The following B3GALT1 variants were observed in gnomAD, a reference collection of about 807,000 sequenced individuals.
The protein encoded by B3GALT1 is UDP-Gal:betaGlcNAc beta 1,3-galactosyltransferase, polypeptide 1.
A neutral mutation model predicts 23.2 loss-of-function variants in B3GALT1; 10 were observed. The ratio of observed to expected loss-of-function variants is 0.43; its 90% CI spans 0.27 to 0.73. The LOEUF is 0.73. Among genes scored for constraint, B3GALT1 ranks in the 30% least tolerant of loss-of-function variants. The pLI, the probability that B3GALT1 is intolerant of heterozygous loss-of-function variation, is 0.21. For synonymous variants in B3GALT1, 156 were observed against 141.5 expected (o/e 1.10, Z -0.73); for missense variants, 299 against 405.4 (o/e 0.74, Z 2.25).
intron 4 of B3GALT1, among the ~76,000 whole-genome samples, chr2:167,838,961 T>C (rs1689560982): frequency 1.3e-5 from 2 of 152,224 alleles, no homozygotes; most frequent in African/African-American, 4.8e-5. Context: ...GAAAATGCCT[T>C]TGACAAAATT....
At chr2:167,714,131 G>T in intron 3 of B3GALT1, 2 of 1,526,526 alleles carry the variant, frequency 1.3e-6, no homozygotes, top group South Asian at 2.2e-5. Context: ...ATCCAAACAA[G>T]GCATATTAAA....
intron 3 of B3GALT1, among the ~76,000 whole-genome samples, chr2:167,807,219 G>T (rs1360448419): frequency 6.6e-6 from 1 of 151,932 alleles, no homozygotes; most frequent in Non-Finnish European, 1.5e-5. Flanking sequence ...TTCTTAATTA[G>T]TCTTGCTAAC....
At chr2:167,755,262 T>C (rs1687797898) in intron 3 of B3GALT1, among the ~76,000 whole-genome samples, 2 of 152,040 alleles carry the variant, frequency 1.3e-5, no homozygotes, top group Admixed American at 6.6e-5. Flanking sequence ...AGAAGTACGA[T>C]GCCCTGATGA....
chr2:167,647,073 T>C (rs995441092), intron 3 of B3GALT1, among the ~76,000 whole-genome samples, 107 bp downstream of exon 3: 3 of 152,132 alleles, frequency 2.0e-5, no homozygotes, highest in Non-Finnish European at 4.4e-5. Flanking sequence ...TTTATTAGAA[T>C]AGAGAAATCA....
chr2:167,648,738 A>C (rs577532462), intron 3 of B3GALT1, among the ~76,000 whole-genome samples: 17 of 151,998 alleles, frequency 1.1e-4, no homozygotes, highest in Non-Finnish European at 2.2e-4. Context: ...CCACCAACTC[A>C]TCCTCTTTTA....
chr2:167,840,594 C>T (rs1367766546), intron 4 of B3GALT1, among the ~76,000 whole-genome samples: 26 of 148,500 alleles, frequency 1.8e-4, no homozygotes, highest in Admixed American at 5.4e-4. Flanking sequence ...TAAACTAGTT[C>T]AACCATTGTG....
rs1698788124 is a variant in B3GALT1, at chr2:167,436,424, T to G, written c.-510-53753T>G. Among the ~76,000 whole-genome samples the G allele has an allele frequency of 2.0e-5, 3 of 152,284 alleles. No individual in the cohort carries two copies. In the South Asian group the frequency reaches 6.2e-4, roughly 32 times the overall value. On this transcript the variant is annotated intron_variant, in intron 1 of 4. Transcript: ENST00000392690. ...TTCAGGTTTCTACGAATACTTGTCC[T>G]TATTAAGGGGTCCTTCCTTAGACAA...
chr2:167,865,437 C>T (rs1356336184), intron 4 of B3GALT1, among the ~76,000 whole-genome samples: 1 of 151,966 alleles, frequency 6.6e-6, no homozygotes, highest in Non-Finnish European at 1.5e-5. Flanking sequence ...AATTCTCACT[C>T]TTCTAAGAAA....
chr2:167,662,099 T>C (rs1459236735), intron 3 of B3GALT1, among the ~76,000 whole-genome samples: 1 of 151,862 alleles, frequency 6.6e-6, no homozygotes, highest in African/African-American at 2.4e-5. Flanking sequence ...AGCAAGTTTT[T>C]CAGCAAGACA....
chr2:167,831,604 G>A (rs1276146493), intron 4 of B3GALT1, among the ~76,000 whole-genome samples: 1 of 152,164 alleles, frequency 6.6e-6, no homozygotes, highest in Non-Finnish European at 1.5e-5. Context: ...AATGTGGAAA[G>A]GAGATATGAA....
chr2:167,749,876 C>G (rs747336951), intron 3 of B3GALT1, among the ~76,000 whole-genome samples: 1 of 152,174 alleles, frequency 6.6e-6, no homozygotes. Flanking sequence ...TGATCTTTCT[C>G]TTCTGTTTTA....
intron 2 of B3GALT1, among the ~76,000 whole-genome samples, chr2:167,534,630 G>A (rs1683384371): frequency 6.6e-6 from 1 of 152,160 alleles, no homozygotes; most frequent in Non-Finnish European, 1.5e-5. Context: ...TCCCAAGATA[G>A]TAGTTGAGCT....
At chr2:167,544,031 A>G (rs1458864254) in intron 2 of B3GALT1, among the ~76,000 whole-genome samples, 3 of 152,232 alleles carry the variant, frequency 2.0e-5, no homozygotes, top group African/African-American at 7.2e-5. Context: ...TGTCACATTT[A>G]AGGCAGATAA....
intron 3 of B3GALT1, among the ~76,000 whole-genome samples, chr2:167,648,474 A>G (rs1422378190): frequency 6.6e-6 from 1 of 152,084 alleles, no homozygotes; most frequent in Non-Finnish European, 1.5e-5. Context: ...ATCTCTGTCC[A>G]ATTCCTACCC....
At position 167,346,182 on chromosome 2, in the gene B3GALT1, T is replaced by C. The variant is rs376549012; in HGVS notation, c.-511+52848T>C. ...TTTTGTGATTTGGAGGGGAAAAAAG[T>C]ATGTCATATCAGTATATTCCATGAA... is the stretch of plus-strand genomic sequence containing the variant. On this transcript the variant is annotated intron_variant, in intron 1 of 4. Transcript: ENST00000392690. Among the ~76,000 whole-genome samples, 10 of 152,018 alleles carry C rather than the reference T, an allele frequency of 6.6e-5. No homozygotes were observed. The South Asian group carries it at 1.7e-3, about 25-fold the overall frequency.
At chr2:167,752,516 GTT>G (rs540744772) in intron 3 of B3GALT1, among the ~76,000 whole-genome samples, 10 of 144,154 alleles carry the variant, frequency 6.9e-5, no homozygotes, top group African/African-American at 2.3e-4. Flanking sequence ...TACTCTATTT[GTT>G]TTTTTTTTTA....
intron 2 of B3GALT1, among the ~76,000 whole-genome samples, chr2:167,532,123 CTGTT>C (rs763150712): frequency 1.1e-4 from 16 of 152,042 alleles, no homozygotes; most frequent in African/African-American, 3.4e-4. Flanking sequence ...ACATTTTCTC[CTGTT>C]TGTTAGCCAC....
chr2:167,362,675 C>A (rs1324891500), intron 1 of B3GALT1, among the ~76,000 whole-genome samples: 1 of 151,752 alleles, frequency 6.6e-6, no homozygotes, highest in Non-Finnish European at 1.5e-5. Flanking sequence ...TTCCTGAGGA[C>A]CTTCTGTTTC....
chr2:167,480,600 A>T (rs200101663), intron 1 of B3GALT1, among the ~76,000 whole-genome samples: 3 of 150,256 alleles, frequency 2.0e-5, no homozygotes, highest in Non-Finnish European at 4.4e-5. Context: ...TGCTAAAAAA[A>T]CAAAAAACAA....
Sources: gnomAD v4.1 joint callset for allele counts (sites outside exome capture counted in the v4.1 genomes callset) on GRCh38, gnomAD v4.1.1 for gene constraint, MANE v1.5 for transcripts, NCBI Gene and HGNC (gene_info 2026-07-23, HGNC 2026-07-21) for gene names.